Variants in TELO2 observed in about 807,000 individuals in gnomAD.
TELO2 encodes telomere length regulation protein TEL2 homolog.
In TELO2, 71 loss-of-function variants were observed where a neutral mutation model predicts 91.0. The ratio of observed to expected loss-of-function variants is 0.78; its 90% CI spans 0.64 to 0.95. The LOEUF is 0.95. Among genes scored for constraint, TELO2 ranks in the 40% least tolerant of loss-of-function variants. TELO2 has a pLI of 0.00. For missense variants in TELO2, 1,183 were observed against 1,141.3 expected (o/e 1.04, Z -0.53); for synonymous variants, 584 against 518.9 (o/e 1.13, Z -1.71).
chr16:1,510,104 C>T lies in TELO2; in HGVS notation c.*168C>T, dbSNP rs1001503423. On this transcript the variant is annotated 3_prime_UTR_variant, in exon 21 of 21. Transcript: ENST00000262319. ...CGGCCTGCCGCTATTTATAGTGCAG[C>T]CAGTCCGCTAAAAATACACTGGGCC... 3.2e-6 allele frequency: 2 copies of T among 622,206 alleles called. No homozygotes were observed. Among genetic ancestry groups the T allele is most frequent in the Non-Finnish European group, 5.6e-6 (2 of 356,708 alleles). The allele number at this position is 622,206 out of a possible 1,614,324, so 38.5% of individuals were successfully genotyped here. A position where few individuals can be genotyped will look rare whatever the true frequency, so the allele number is the denominator to read the frequency against.
Position 1,510,147 on chromosome 16 carries a change from G to C in TELO2, c.*211G>C. On this transcript the variant is annotated 3_prime_UTR_variant, in exon 21 of 21. Transcript: ENST00000262319. ...ACTGGGCCTGGGCACTGCCCGCCGG[G>C]ACATGGCAGCCTGGACGTGGGGCTG... 1 of 563,708 alleles carries C rather than the reference G, an allele frequency of 1.8e-6. No individual in the cohort carries two copies. The highest frequency in any genetic ancestry group is 3.2e-6 in the Non-Finnish European group (1 of 314,994). The allele number at this position is 563,708 out of a possible 1,614,324, so 34.9% of individuals were successfully genotyped here.
rs568126476 is a variant in TELO2 at position 1,497,536 on chromosome 16, C to T, written c.830+28C>T. 4 of 1,533,540 alleles carry T rather than the reference C, an allele frequency of 2.6e-6. No homozygotes were observed. The highest frequency in any genetic ancestry group is 1.4e-5 in the African/African-American group (1 of 72,974). 95.0% of individuals were successfully genotyped at this position (1,533,540 alleles called of 1,614,324 possible). Reference sequence around the variant, plus strand: ...AAGCAGCCAGGCTGTCCTCCAGCTGCACTGGCTTCTGGGGTCTGGACCCCC... The same window carrying T: ...AAGCAGCCAGGCTGTCCTCCAGCTGTACTGGCTTCTGGGGTCTGGACCCCC... On this transcript the variant is annotated intron_variant, in intron 5 of 20. Coordinates refer to ENST00000262319, the MANE Select transcript of TELO2 (RefSeq NM_016111.4). This position sits in a 1 kb window ranked among gnomAD's most constrained non-coding sequence, Gnocchi z 4.0.
At chr16:1,498,957 G>C (rs183311069) in intron 5 of TELO2, among the ~76,000 whole-genome samples, 1 of 152,052 alleles carries the variant, frequency 6.6e-6, no homozygotes, top group Non-Finnish European at 1.5e-5. Flanking sequence ...ACCCGCCTCC[G>C]CCCGGGCTGA....
intron 6 of TELO2, 36 bp from the exon 7 acceptor site, chr16:1,500,060 C>G: frequency 6.3e-7 from 1 of 1,592,058 alleles, no homozygotes; most frequent in Non-Finnish European, 8.6e-7. Flanking sequence ...AGGCGGCGGC[C>G]TCAGCCCAGT....
At chr16:1,495,645 C>T (rs898991519) in intron 3 of TELO2, 22 bp downstream of exon 3, 3 of 1,562,616 alleles carry the variant, frequency 1.9e-6, no homozygotes, top group African/African-American at 1.4e-5. Context: ...CCTCGGGGAC[C>T]CCCTTTGCCA....
chr16:1,496,954 C>G (rs1318286895), intron 3 of TELO2, 82 bp from the exon 4 acceptor site: 1 of 1,420,012 alleles, frequency 7.0e-7, no homozygotes, highest in South Asian at 1.2e-5. Flanking sequence ...GTCCGCCTGA[C>G]CGAGAGCAGC....
chr16:1,509,549 G>A (rs1446445145), intron 20 of TELO2, among the ~76,000 whole-genome samples: 3 of 152,246 alleles, frequency 2.0e-5, no homozygotes, highest in Non-Finnish European at 4.4e-5. Context: ...CCCTGCTGGT[G>A]TTCCCGGGTT....
In TELO2 at chr16:1,502,147, C is replaced by T. The variant is rs2039711682; in HGVS notation, c.1561+12C>T. The T allele has an allele frequency of 6.2e-6, 10 of 1,612,272 alleles. No individual in the cohort carries two copies. The highest frequency in any genetic ancestry group is 1.1e-5 in the South Asian group (1 of 91,082). On this transcript the variant is annotated intron_variant, in intron 12 of 20. Transcript: ENST00000262319. ...GGACTGCGTGGAAGGTGGGCACGGG[C>T]CCCTGGAGGGCCTTGCTGGGCTGGG...
chr16:1,496,979 G>A, intron 3 of TELO2, 57 bp from the exon 4 acceptor site: 1 of 1,565,950 alleles, frequency 6.4e-7, no homozygotes, highest in Non-Finnish European at 8.7e-7. Context: ...CCCACACCTA[G>A]ATGTTCTTTT....
chr16:1,504,543 T>C (rs2039816967), intron 15 of TELO2, among the ~76,000 whole-genome samples: 1 of 145,818 alleles, frequency 6.9e-6, no homozygotes, highest in Admixed American at 6.9e-5. Flanking sequence ...CAACTCACCG[T>C]AACTGGTCTT....
intron 10 of TELO2, 42 bp from the exon 11 acceptor site, chr16:1,501,621 C>T (rs1398519370): frequency 7.6e-6 from 12 of 1,581,568 alleles, no homozygotes; most frequent in South Asian, 2.3e-5. Flanking sequence ...ACCAGAGGCT[C>T]GAGGGGCCCC....
Position 1,509,973 on chromosome 16 carries a change from G to A in TELO2, c.*37G>A, listed in dbSNP as rs769403496. 1.3e-6 allele frequency: 2 copies of A among 1,537,818 alleles called. No homozygotes were observed. Among genetic ancestry groups the A allele is most frequent in the East Asian group, 2.4e-5 (1 of 41,300 alleles). On this transcript the variant is annotated 3_prime_UTR_variant, in exon 21 of 21. Transcript: ENST00000262319. ...CTCCCCAGGACCACCCTCGCCGACA[G>A]CAAGGCAGGCGGCTGAGCAGCGGCC...
chr16:1,505,654 G>GGGGGTGGC lies in TELO2; in HGVS notation c.2034+53_2034+54insGGGGTGGC. 1 of 666,578 alleles carries GGGGGTGGC rather than the reference G, an allele frequency of 1.5e-6. No individual in the cohort carries two copies. Among genetic ancestry groups the GGGGGTGGC allele is most frequent in the Non-Finnish European group, 2.6e-6 (1 of 378,980 alleles). The allele number at this position is 666,578 out of a possible 1,614,324, so 41.3% of individuals were successfully genotyped here. A position where few individuals can be genotyped will look rare whatever the true frequency, so the allele number is the denominator to read the frequency against. On this transcript the variant is annotated intron_variant, in intron 16 of 20. Coordinates refer to ENST00000262319, the MANE Select transcript of TELO2 (RefSeq NM_016111.4). The surrounding 1 kb of genome is among the most constrained non-coding windows in gnomAD (Gnocchi z 4.3). ...GGGCATGGGGACCGTGGGTGGGTGGGAAGGGCGGTCAGACACCTCCAGGCG... is the reference window on the plus strand; with the variant it reads ...GGGCATGGGGACCGTGGGTGGGTGGGGGGGTGGCAAGGGCGGTCAGACACCTCCAGGCG...
At chr16:1,504,918 C>T (rs2039835638) in intron 15 of TELO2, among the ~76,000 whole-genome samples, 1 of 152,146 alleles carries the variant, frequency 6.6e-6, no homozygotes, top group Admixed American at 6.5e-5. Flanking sequence ...CAGAGGGAAA[C>T]CCCATCCCTG....
rs1481589844 is a variant in TELO2, at chr16:1,502,719, C to T, written c.1728C>T (p.Arg576=). ...KTCVVGFAGL[R]QRALVAVTVT... ...GTGTGGTGGGATTTGCAGGGCTGCG[C>T]CAGAGAGCCCTGGTGGCCGTCACGG... Residue 576 remains arginine, a synonymous_variant, in exon 14 of 21, where the codon CGC becomes CGT. Transcript: ENST00000262319. 4 of 1,612,542 alleles carry T rather than the reference C, an allele frequency of 2.5e-6. No individual in the cohort carries two copies. Among genetic ancestry groups the T allele is most frequent in the African/African-American group, 2.7e-5 (2 of 74,934 alleles).
At chr16:1,498,976 G>T (rs1217345298) in intron 5 of TELO2, among the ~76,000 whole-genome samples, 1 of 151,808 alleles carries the variant, frequency 6.6e-6, no homozygotes, top group African/African-American at 2.4e-5. Flanking sequence ...GAGGTGCAGG[G>T]AAGGAGGCTG....
chr16:1,494,553 T>A lies in TELO2; in HGVS notation c.272T>A (p.Phe91Tyr). The change falls in exon 2 of 21, where the codon TTC (phenylalanine) becomes TAC (tyrosine). Residue 91 changes from phenylalanine to tyrosine, a missense_variant. By Grantham distance (22) the Phe-to-Tyr change is conservative. Transcript: ENST00000262319. This position sits in a 1 kb window ranked among gnomAD's most constrained non-coding sequence, Gnocchi z 5.6. ...GRLEELWASF[F>Y]LEGPADQAFL... The stretch of plus-strand genomic sequence containing the variant: ...CTGGAGGAGCTGTGGGCCAGCTTCT[T>A]CCTGGAGGGCCCGGCGGACCAAGCC... 6.2e-7 allele frequency: 1 copy of A among 1,613,494 alleles called. No individual in the cohort carries two copies. The highest frequency in any genetic ancestry group is 8.5e-7 in the Non-Finnish European group (1 of 1,179,938).
chr16:1,494,837 G>T lies in TELO2; in HGVS notation c.335+221G>T, dbSNP rs560299231. 3.5e-4 allele frequency among the ~76,000 whole-genome samples: 54 copies of T among 152,360 alleles called. No homozygotes were observed. The highest frequency in any genetic ancestry group is 1.2e-3 in the African/African-American group (49 of 41,580). ...AAGTCCCCCACTTGCTCCCCGTCCG[G>T]CTGTGTCAGAGAGGGATGGGGTGGG... On this transcript the variant is annotated intron_variant, in intron 2 of 20. Coordinates refer to ENST00000262319, the MANE Select transcript of TELO2 (RefSeq NM_016111.4). This position sits in a 1 kb window ranked among gnomAD's most constrained non-coding sequence, Gnocchi z 5.6.
intron 20 of TELO2, among the ~76,000 whole-genome samples, 157 bp downstream of exon 20, chr16:1,507,873 T>TCGGCCCAGG (rs1372368335): frequency 2.4e-5 from 2 of 83,450 alleles, no homozygotes; most frequent in African/African-American, 1.4e-4. Flanking sequence ...TGTGTGTGTG[T>TCGGCCCAGG]GTGTGTGTGT....
Sources: allele counts gnomAD v4.1 joint callset (sites outside exome capture counted in the v4.1 genomes callset), GRCh38; gene constraint gnomAD v4.1.1; non-coding constraint Gnocchi (gnomAD v3.1); transcripts MANE v1.5; gene names NCBI Gene and HGNC (gene_info 2026-07-23, HGNC 2026-07-21).